The following OLFML1 variants were observed in gnomAD, a reference collection of about 807,000 sequenced individuals.
OLFML1 encodes the protein olfactomedin-like protein 1.
Under a neutral mutation model 37.3 loss-of-function variants are expected in OLFML1, and 33 were observed. The ratio of observed to expected loss-of-function variants is 0.88; its 90% confidence interval spans 0.67 to 1.18. The LOEUF is 1.18. Ranked by LOEUF, OLFML1 falls within the 50% of genes most tolerant of loss-of-function variation. The pLI is 0.00. For missense variants in OLFML1, 545 were observed against 483.7 expected (o/e 1.13, Z -1.19); for synonymous variants, 186 against 181.3 (o/e 1.03, Z -0.21).
At chr11:7,489,432 T>C (rs541936246) in intron 2 of OLFML1, among the ~76,000 whole-genome samples, 1 of 151,552 alleles carries the variant, frequency 6.6e-6, no homozygotes, top group East Asian at 1.9e-4. Flanking sequence ...AGTGAAAGCT[T>C]TTTAGAGAGG....
In OLFML1 at chr11:7,509,747, A is replaced by G. The variant is rs772448936; in HGVS notation, c.768A>G (p.Val256=). 1.2e-6 allele frequency: 2 copies of G among 1,614,252 alleles called. No individual in the cohort carries two copies. The highest frequency in any genetic ancestry group is 4.5e-5 in the East Asian group (2 of 44,880). Reference sequence around the variant, plus strand: ...ATCGAATGCTGCTCCCAGGAGGGGTAGGCCGAGCATTGGTTTACCAGCACT... The same window carrying G: ...ATCGAATGCTGCTCCCAGGAGGGGTGGGCCGAGCATTGGTTTACCAGCACT... ...VEDRMLLPGG[V]GRALVYQHSP... Residue 256 remains valine (V), a synonymous_variant, in exon 3 of 3, where the codon GTA becomes GTG. Transcript: ENST00000329293.
chr11:7,501,743 T>C (rs554153227), intron 2 of OLFML1, among the ~76,000 whole-genome samples: 1 of 152,372 alleles, frequency 6.6e-6, no homozygotes, highest in East Asian at 1.9e-4. Flanking sequence ...CTTTACAAGT[T>C]ATTATTTACT....
At chr11:7,487,490 G>C (rs1282706741) in intron 1 of OLFML1, among the ~76,000 whole-genome samples, 5 of 152,256 alleles carry the variant, frequency 3.3e-5, no homozygotes, top group East Asian at 1.9e-4. Context: ...CATTCTCTTT[G>C]ACCAAGCAAT....
At chr11:7,501,254 T>C (rs1392393818) in intron 2 of OLFML1, among the ~76,000 whole-genome samples, 1 of 152,242 alleles carries the variant, frequency 6.6e-6, no homozygotes. Flanking sequence ...TTCCCCATCC[T>C]ACACTGCAGC....
intron 2 of OLFML1, among the ~76,000 whole-genome samples, chr11:7,506,731 G>A (rs1184313197): frequency 6.6e-6 from 1 of 152,164 alleles, no homozygotes; most frequent in Non-Finnish European, 1.5e-5. Flanking sequence ...GTGTTGGGTG[G>A]ATATGGTGGC....
At chr11:7,504,333 G>A (rs1422608280) in intron 2 of OLFML1, among the ~76,000 whole-genome samples, 1 of 152,170 alleles carries the variant, frequency 6.6e-6, no homozygotes, top group Non-Finnish European at 1.5e-5. Flanking sequence ...AGGGGACAAG[G>A]AGAGGGAGAA....
At chr11:7,505,656 C>G (rs1848776274) in intron 2 of OLFML1, among the ~76,000 whole-genome samples, 1 of 152,120 alleles carries the variant, frequency 6.6e-6, no homozygotes, top group Admixed American at 6.5e-5. Flanking sequence ...CATAGTAGAC[C>G]TCATCATTGC....
At chr11:7,489,661 T>C (rs1848571980) in intron 2 of OLFML1, among the ~76,000 whole-genome samples, 1 of 152,116 alleles carries the variant, frequency 6.6e-6, no homozygotes, top group African/African-American at 2.4e-5. Context: ...AGTGTTGGCA[T>C]TAAGTGTCAT....
At chr11:7,509,112 A>G (rs951875799) in intron 2 of OLFML1, among the ~76,000 whole-genome samples, 1 of 152,230 alleles carries the variant, frequency 6.6e-6, no homozygotes, top group Admixed American at 6.5e-5. Flanking sequence ...AGGAGAAAAC[A>G]ATCTGTGAAA....
In OLFML1 at chr11:7,509,775, C is replaced by G; in HGVS notation, c.796C>G (p.Pro266Ala). 6.2e-7 allele frequency: 1 copy of G among 1,614,236 alleles called. No individual in the cohort carries two copies. ...CCGAGCATTGGTTTACCAGCACTCC[C>G]CCTCAACTTACATTGACCTGGCTGT... ...VGRALVYQHS[P>A]STYIDLAVDE... The change falls in exon 3 of 3, where the codon CCC becomes GCC. Residue 266 changes from proline (P) to alanine (A), a missense_variant. By Grantham distance (27) the Pro-to-Ala change is conservative. Transcript: ENST00000329293.
chr11:7,509,824 T>C lies in OLFML1; in HGVS notation c.845T>C (p.Ile282Thr). 1 of 1,614,006 alleles carries C rather than the reference T, an allele frequency of 6.2e-7. No individual in the cohort carries two copies. The highest frequency in any genetic ancestry group is 2.2e-5 in the East Asian group (1 of 44,884). Residue 282 changes from isoleucine (I) to threonine (T), a missense_variant, in exon 3 of 3, where the codon ATC becomes ACC. By Grantham distance (89) the Ile-to-Thr change is moderately conservative (BLOSUM62 -1). Coordinates refer to ENST00000329293, the MANE Select transcript of OLFML1 (RefSeq NM_198474.4). ...GTGGATGAGCATGGGCTCTGGGCCA[T>C]CCACTCTGGGCCAGGCACCCATAGC... ...LAVDEHGLWA[I>T]HSGPGTHSHL...
chr11:7,508,685 T>C (rs1186262088), intron 2 of OLFML1, among the ~76,000 whole-genome samples: 1 of 152,202 alleles, frequency 6.6e-6, no homozygotes, highest in Non-Finnish European at 1.5e-5. Context: ...CATTCATACA[T>C]TCATGAATAA....
intron 1 of OLFML1, among the ~76,000 whole-genome samples, chr11:7,486,247 G>A (rs891688885): frequency 6.6e-6 from 1 of 152,194 alleles, no homozygotes; most frequent in Non-Finnish European, 1.5e-5. Context: ...TGTCTCATCT[G>A]TAAAATGGGG....
chr11:7,500,835 G>C (rs1271499691), intron 2 of OLFML1, among the ~76,000 whole-genome samples: 1 of 151,294 alleles, frequency 6.6e-6, no homozygotes, highest in East Asian at 1.9e-4. Flanking sequence ...AGGAGTTTGA[G>C]ACCAGCCTGG....
intron 2 of OLFML1, among the ~76,000 whole-genome samples, chr11:7,492,479 C>T (rs184774083): frequency 6.6e-6 from 1 of 152,224 alleles, no homozygotes; most frequent in African/African-American, 2.4e-5. Context: ...CAGGAGACTT[C>T]CAGGAAATTC....
intron 2 of OLFML1, among the ~76,000 whole-genome samples, chr11:7,489,304 A>C (rs1482731176): frequency 1.3e-5 from 2 of 152,184 alleles, no homozygotes. Context: ...ACTTGGTCTC[A>C]GTTTTGAACA....
chr11:7,486,093 T>C (rs970800731), intron 1 of OLFML1, 89 bp downstream of exon 1: 9 of 1,292,838 alleles, frequency 7.0e-6, no homozygotes, highest in Non-Finnish European at 9.7e-6. Flanking sequence ...CTGGGTTGTA[T>C]TTTTCCCAGA....
chr11:7,497,387 G>A (rs368660915), intron 2 of OLFML1, among the ~76,000 whole-genome samples: 10 of 152,290 alleles, frequency 6.6e-5, no homozygotes, highest in African/African-American at 2.4e-4. Context: ...GCAGATAAAT[G>A]TATAATATGC....
In OLFML1 at chr11:7,510,463, T is replaced by C. The variant is rs1848847340; in HGVS notation, c.*275T>C. 1 of 346,946 alleles carries C rather than the reference T, an allele frequency of 2.9e-6. No homozygotes were observed. Among genetic ancestry groups the C allele is most frequent in the Non-Finnish European group, 5.3e-6 (1 of 189,644 alleles). 21.5% of individuals were successfully genotyped at this position (346,946 alleles called of 1,614,324 possible). A position where few individuals can be genotyped will look rare whatever the true frequency, so the allele number is the denominator to read the frequency against. ...ATGACCACATTCTGATACAGCCTAC[T>C]TCAAGCCTTTTGTTTTACTGCTCCC... On this transcript the variant is annotated 3_prime_UTR_variant, in exon 3 of 3. Transcript: ENST00000329293.
Sources: allele counts gnomAD v4.1 joint callset (sites outside exome capture counted in the v4.1 genomes callset), GRCh38; gene constraint gnomAD v4.1.1; transcripts MANE v1.5; gene names NCBI Gene and HGNC (gene_info 2026-07-23, HGNC 2026-07-21).